Variants in SYCP2L observed in about 807,000 individuals in gnomAD.
SYCP2L encodes the protein synaptonemal complex protein 2-like.
SYCP2L carries 98 observed loss-of-function variants against 125.8 expected under a neutral mutation model. The observed-to-expected ratio is 0.78, with a 90% CI of 0.66 to 0.92. SYCP2L has a LOEUF of 0.92. SYCP2L is among the 40% of genes least tolerant of loss of function. The pLI is 0.00. For synonymous variants in SYCP2L, 317 were observed against 325.4 expected (o/e 0.97, Z 0.28); for missense variants, 842 against 936.4 (o/e 0.90, Z 1.32).
chr6:10,972,608 T>A (rs533180457), intron 29 of SYCP2L, among the ~76,000 whole-genome samples: 91 of 152,340 alleles, frequency 6.0e-4, no homozygotes, highest in African/African-American at 2.0e-3. Flanking sequence ...CTAGGTATCT[T>A]TTCTACACCC....
At chr6:10,936,289 G>C (rs1237671271) in intron 21 of SYCP2L, among the ~76,000 whole-genome samples, 2 of 151,888 alleles carry the variant, frequency 1.3e-5, no homozygotes, top group Non-Finnish European at 1.5e-5. Flanking sequence ...CTGAGGTCAG[G>C]AGTTCGAGAC....
At chr6:10,940,999 A>G (rs902457304) in intron 21 of SYCP2L, among the ~76,000 whole-genome samples, 2 of 152,164 alleles carry the variant, frequency 1.3e-5, no homozygotes, top group Non-Finnish European at 2.9e-5. Context: ...ACAGATGTAC[A>G]AACCTAATAA....
At chr6:10,921,865 CT>C (rs1189789315) in intron 14 of SYCP2L, among the ~76,000 whole-genome samples, 2 of 152,066 alleles carry the variant, frequency 1.3e-5, no homozygotes, top group Non-Finnish European at 2.9e-5. Context: ...GCCACCACAC[CT>C]GGCTAATTTT....
At chr6:10,929,181 A>T (rs1309282026) in intron 18 of SYCP2L, among the ~76,000 whole-genome samples, 1 of 152,086 alleles carries the variant, frequency 6.6e-6, no homozygotes, top group Admixed American at 6.5e-5. Flanking sequence ...ATGAGCAACC[A>T]CACCTGGCCG....
chr6:10,908,517 CTG>C (rs1176033526), intron 10 of SYCP2L, among the ~76,000 whole-genome samples: 1 of 152,122 alleles, frequency 6.6e-6, no homozygotes, highest in African/African-American at 2.4e-5. Context: ...TATGGCTTTG[CTG>C]TGTATTCACC....
intron 21 of SYCP2L, among the ~76,000 whole-genome samples, 200 bp from the exon 22 acceptor site, chr6:10,942,259 G>A (rs1221327931): frequency 3.9e-5 from 6 of 152,102 alleles, no homozygotes; most frequent in East Asian, 1.9e-4. Context: ...TAACCTGCAC[G>A]TTGTGCACAT....
intron 2 of SYCP2L, 117 bp from the exon 3 acceptor site, chr6:10,893,750 A>C: frequency 9.0e-7 from 1 of 1,105,464 alleles, no homozygotes; most frequent in Non-Finnish European, 1.3e-6. Context: ...TCTCCATTCT[A>C]TATTTACCCT....
chr6:10,938,644 A>G (rs1781152548), intron 21 of SYCP2L, among the ~76,000 whole-genome samples: 2 of 152,232 alleles, frequency 1.3e-5, no homozygotes, highest in Non-Finnish European at 1.5e-5. Flanking sequence ...GATTTTACAT[A>G]TATCAAACTG....
intron 6 of SYCP2L, among the ~76,000 whole-genome samples, chr6:10,899,350 C>T (rs1009820069): frequency 2.0e-5 from 3 of 152,106 alleles, no homozygotes; most frequent in Non-Finnish European, 2.9e-5. Flanking sequence ...AAGTTTGACA[C>T]CAGCCTGGGC....
At chr6:10,929,107 G>A (rs950103354) in intron 18 of SYCP2L, among the ~76,000 whole-genome samples, 3 of 151,766 alleles carry the variant, frequency 2.0e-5, no homozygotes, top group African/African-American at 7.3e-5. Flanking sequence ...GGCCAGACTG[G>A]TCTCAAACTC....
At chr6:10,897,902 GA>G in intron 4 of SYCP2L, 108 bp from the exon 5 acceptor site, 1 of 770,630 alleles carries the variant, frequency 1.3e-6, no homozygotes, top group Non-Finnish European at 2.2e-6. Flanking sequence ...AATGGAATGG[GA>G]AAAGATCTTT....
chr6:10,901,811 G>A (rs984124837), intron 6 of SYCP2L, among the ~76,000 whole-genome samples: 13 of 152,234 alleles, frequency 8.5e-5, no homozygotes, highest in Admixed American at 2.0e-4. Flanking sequence ...CTGGCTCAAG[G>A]GACTGAAAAG....
rs764157041 is a variant in SYCP2L at position 10,942,749 on chromosome 6, A to G, written c.1954+3A>G. 42 of 1,598,628 alleles carry G rather than the reference A, an allele frequency of 2.6e-5. No individual in the cohort carries two copies. Among genetic ancestry groups the G allele is most frequent in the Middle Eastern group, 3.3e-4 (2 of 5,998 alleles). ...GCTGAGAAACTTGGAAGACAAAGGT[A>G]AGAGAATAGTACTTTTTTTTTTTTT... On this transcript the variant is annotated splice_donor_region_variant and intron_variant, in intron 23 of 29. Transcript: ENST00000283141.
intron 23 of SYCP2L, among the ~76,000 whole-genome samples, chr6:10,943,904 T>G (rs947603996): frequency 6.6e-6 from 1 of 152,210 alleles, no homozygotes; most frequent in Admixed American, 6.5e-5. Flanking sequence ...TCTTTACTAT[T>G]TAGCATGCAG....
At chr6:10,940,881 G>C (rs1236058681) in intron 21 of SYCP2L, among the ~76,000 whole-genome samples, 1 of 152,138 alleles carries the variant, frequency 6.6e-6, no homozygotes, top group Admixed American at 6.5e-5. Flanking sequence ...AGGGAGAGAA[G>C]AATCACAAGA....
intron 29 of SYCP2L, among the ~76,000 whole-genome samples, chr6:10,964,088 G>T (rs1026741071): frequency 4.0e-5 from 6 of 151,798 alleles, no homozygotes; most frequent in Non-Finnish European, 5.9e-5. Context: ...CTCCTGAGTA[G>T]CTGGGACTAC....
At position 10,928,431 on chromosome 6, in the gene SYCP2L, C is replaced by T; in HGVS notation, c.1469C>T (p.Pro490Leu). ...HLQPVPPFGV[P>L]DFPQQPKSHY... Reference sequence around the variant, plus strand: ...CAGCCGGTCCCTCCGTTCGGGGTCCCTGACTTCCCGCAACAACCTGTGAGT... The same window carrying T: ...CAGCCGGTCCCTCCGTTCGGGGTCCTTGACTTCCCGCAACAACCTGTGAGT... The change falls in exon 18 of 30, where the codon CCT becomes CTT. Residue 490 changes from proline to leucine, a missense_variant. By Grantham distance (98) the Pro-to-Leu change is moderately conservative. Transcript: ENST00000283141. 6.3e-7 allele frequency: 1 copy of T among 1,586,440 alleles called. No homozygotes were observed. The highest frequency in any genetic ancestry group is 8.6e-7 in the Non-Finnish European group (1 of 1,167,798).
At chr6:10,968,602 T>C (rs1781716201) in intron 29 of SYCP2L, among the ~76,000 whole-genome samples, 1 of 151,976 alleles carries the variant, frequency 6.6e-6, no homozygotes, top group Admixed American at 6.6e-5. Context: ...GGAAAGGAAA[T>C]ATTTTCTTCC....
At position 10,928,575 on chromosome 6, in the gene SYCP2L, T is replaced by A. The variant is rs187916057; in HGVS notation, c.1488+125T>A. ...CCAACCATCTGTCAATTTAAAAAAA[T>A]TTTTTTAAGACAAGGCCTTGTTCTG... On this transcript the variant is annotated intron_variant, in intron 18 of 29. Coordinates refer to ENST00000283141, the MANE Select transcript of SYCP2L (RefSeq NM_001040274.3). 4.2e-3 allele frequency: 5,680 copies of A among 1,346,426 alleles called. 18 individuals carry two copies. The highest frequency in any genetic ancestry group is 4.8e-3 in the Non-Finnish European group (4,983 of 1,036,460). 83.4% of individuals were successfully genotyped at this position (1,346,426 alleles called of 1,614,324 possible). A position where few individuals can be genotyped will look rare whatever the true frequency, so the allele number is the denominator to read the frequency against.
Sources: gnomAD v4.1 joint callset for allele counts (sites outside exome capture counted in the v4.1 genomes callset) on GRCh38, gnomAD v4.1.1 for gene constraint, MANE v1.5 for transcripts, NCBI Gene and HGNC (gene_info 2026-07-23, HGNC 2026-07-21) for gene names.